Variants in DYNC2LI1 observed in about 807,000 individuals in gnomAD.
DYNC2LI1 encodes dynein cytoplasmic 2 light intermediate chain 1, also known as cytoplasmic dynein 2 light intermediate chain 1.
Under a neutral mutation model 51.9 loss-of-function variants are expected in DYNC2LI1, and 45 were observed. The ratio of observed to expected loss-of-function variants is 0.87; its 90% CI spans 0.68 to 1.11. DYNC2LI1 has a LOEUF of 1.11. Ranked by LOEUF, DYNC2LI1 falls within the 50% of genes most tolerant of loss-of-function variation. The pLI is 0.00. For missense variants in DYNC2LI1, 490 were observed against 417.4 expected (o/e 1.17, Z -1.51); for synonymous variants, 130 against 137.8 (o/e 0.94, Z 0.40).
At chr2:43,778,401 A>T (rs772320267) in intron 2 of DYNC2LI1, among the ~76,000 whole-genome samples, 1 of 152,096 alleles carries the variant, frequency 6.6e-6, no homozygotes, top group Non-Finnish European at 1.5e-5. Flanking sequence ...CAATCCACCC[A>T]TCTCAGCCTC....
intron 10 of DYNC2LI1, among the ~76,000 whole-genome samples, chr2:43,802,155 A>AT (rs1346647852): frequency 1.3e-5 from 2 of 152,098 alleles, no homozygotes; most frequent in East Asian, 1.9e-4. Flanking sequence ...GTATGATTTG[A>AT]TTTTTTGTTA....
At chr2:43,784,813 T>A (rs1305052669) in intron 3 of DYNC2LI1, among the ~76,000 whole-genome samples, 1 of 152,160 alleles carries the variant, frequency 6.6e-6, no homozygotes, top group African/African-American at 2.4e-5. Flanking sequence ...AAATATCAGA[T>A]CTTATGAATT....
At chr2:43,808,257 G>C (rs1436781774) in intron 12 of DYNC2LI1, among the ~76,000 whole-genome samples, 1 of 120,526 alleles carries the variant, frequency 8.3e-6, no homozygotes, top group Non-Finnish European at 1.7e-5. Flanking sequence ...CAATGAGGAA[G>C]TTAAAGGAAA....
intron 8 of DYNC2LI1, among the ~76,000 whole-genome samples, chr2:43,797,954 T>G (rs1665939995): frequency 6.6e-6 from 1 of 152,034 alleles, no homozygotes; most frequent in Non-Finnish European, 1.5e-5. Context: ...GGTGAGAACC[T>G]GTCTCTACAA....
chr2:43,803,347 G>A (rs1211598693), intron 10 of DYNC2LI1, among the ~76,000 whole-genome samples: 1 of 152,084 alleles, frequency 6.6e-6, no homozygotes, highest in Admixed American at 6.6e-5. Flanking sequence ...TCATACAAAG[G>A]AACAAATAAT....
chr2:43,825,263 GC>G, the DYNC2LI1 span, among the ~76,000 whole-genome samples: 2 of 152,176 alleles, frequency 1.3e-5, no homozygotes, highest in Admixed American at 1.3e-4. Context: ...GGGTCATGCT[GC>G]CTCCCATCCT....
the DYNC2LI1 span, chr2:43,825,025 A>G: frequency 6.2e-7 from 1 of 1,613,448 alleles, no homozygotes; most frequent in Non-Finnish European, 8.5e-7. Flanking sequence ...AGAGCTGACC[A>G]GACAACAGAC....
intron 5 of DYNC2LI1, 95 bp from the exon 6 acceptor site, chr2:43,794,362 A>T: frequency 7.8e-7 from 1 of 1,282,588 alleles, no homozygotes; most frequent in Non-Finnish European, 1.0e-6. Flanking sequence ...CCCTTAAGGT[A>T]TATTTTAGTT....
chr2:43,818,827 C>T, the DYNC2LI1 span, among the ~76,000 whole-genome samples: 4 of 152,108 alleles, frequency 2.6e-5, 1 homozygote, highest in East Asian at 1.9e-4. Flanking sequence ...TGATTATTTC[C>T]GTTCCTTCTC....
intron 11 of DYNC2LI1, among the ~76,000 whole-genome samples, chr2:43,804,948 T>C (rs1358194388): frequency 6.7e-6 from 1 of 148,540 alleles, no homozygotes; most frequent in Middle Eastern, 3.6e-3. Flanking sequence ...TCAAAGAGAG[T>C]TATCTGGCTG....
At chr2:43,792,554 A>C (rs754858242) in intron 5 of DYNC2LI1, 37 of 951,618 alleles carry the variant, frequency 3.9e-5, no homozygotes, top group Non-Finnish European at 4.7e-5. Context: ...AGTCATTTTT[A>C]ACTGTGCAGT....
At chr2:43,782,588 A>G (rs1318768368) in intron 2 of DYNC2LI1, among the ~76,000 whole-genome samples, 1 of 151,860 alleles carries the variant, frequency 6.6e-6, no homozygotes, top group African/African-American at 2.4e-5. Flanking sequence ...TTTTTTAAAA[A>G]TGATATAAAC....
downstream of DYNC2LI1, among the ~76,000 whole-genome samples, chr2:43,811,827 C>T (rs1483156523): frequency 1.3e-5 from 2 of 152,104 alleles, no homozygotes; most frequent in Admixed American, 6.6e-5. Flanking sequence ...ATCTCTTGAC[C>T]TCGTGATCCA....
the DYNC2LI1 span, among the ~76,000 whole-genome samples, chr2:43,823,223 C>T: frequency 6.6e-6 from 1 of 152,110 alleles, no homozygotes; most frequent in Admixed American, 6.5e-5. Flanking sequence ...GCAAAAGGGG[C>T]ATGAATAAGT....
At chr2:43,786,545 AC>A (rs1314916226) in intron 3 of DYNC2LI1, among the ~76,000 whole-genome samples, 1 of 151,932 alleles carries the variant, frequency 6.6e-6, no homozygotes, top group Non-Finnish European at 1.5e-5. Flanking sequence ...CTGAGTATAA[AC>A]CCAGTGTCAC....
chr2:43,805,652 T>A (rs1415469110), intron 12 of DYNC2LI1: 1 of 153,620 alleles, frequency 6.5e-6, no homozygotes, highest in Non-Finnish European at 1.4e-5. Flanking sequence ...ATACCTATAC[T>A]TTCCTTGTAC....
At chr2:43,824,339 G>T in the DYNC2LI1 span, 1 of 1,614,102 alleles carries the variant, frequency 6.2e-7, no homozygotes, top group Admixed American at 1.7e-5. Flanking sequence ...ATGACAAATT[G>T]CTGATTTCTT....
the DYNC2LI1 span, among the ~76,000 whole-genome samples, chr2:43,815,733 A>G: frequency 6.6e-6 from 1 of 152,114 alleles, no homozygotes; most frequent in Admixed American, 6.5e-5. Context: ...ATGTGAAGGA[A>G]CAGTGGGAGG....
At chr2:43,822,491 C>A in the DYNC2LI1 span, 12 of 843,070 alleles carry the variant, frequency 1.4e-5, no homozygotes, top group African/African-American at 1.8e-5. Flanking sequence ...CCCCCCCATG[C>A]ACCTGGGTCC....
Sources: allele counts gnomAD v4.1 joint callset (sites outside exome capture counted in the v4.1 genomes callset), GRCh38; gene constraint gnomAD v4.1.1; transcripts MANE v1.5; gene names NCBI Gene and HGNC (gene_info 2026-07-23, HGNC 2026-07-21).